The following HAUS7 variants were observed in gnomAD, a reference collection of about 807,000 sequenced individuals.
HAUS7 encodes the protein HAUS augmin-like complex subunit 7.
HAUS7 carries 3 observed loss-of-function variants against 28.4 expected under a neutral mutation model. The observed-to-expected ratio is 0.11, with a 90% confidence interval of 0.05 to 0.27. HAUS7 has a LOEUF of 0.27. Ranked by LOEUF, HAUS7 falls within the 10% of genes least tolerant of loss-of-function variation. The probability of loss-of-function intolerance (pLI) is 1.00; values close to 1 mark genes in which losing one functional copy is unlikely to be tolerated. For missense variants in HAUS7, 284 were observed against 297.3 expected (o/e 0.96, Z 0.33); for synonymous variants, 165 against 132.1 (o/e 1.25, Z -1.71).
At chrX:153,486,444 A>G (rs2124187210) in intron 1 of HAUS7, among the ~76,000 whole-genome samples, 1 of 112,347 alleles carries the variant, frequency 8.9e-6, no homozygotes, top group East Asian at 2.8e-4. Context: ...CTGAGCCTCG[A>G]GTTGGGAGGG....
Position 153,465,201 on chromosome X carries a change from G to A in HAUS7, c.225-146C>T, listed in dbSNP as rs111658608. 1.7e-3 allele frequency: 614 copies of A among 367,408 alleles called. 4 individuals are homozygous for A. Among genetic ancestry groups the A allele is most frequent in the African/African-American group, 0.013 (478 of 38,034 alleles). 30.3% of individuals were successfully genotyped at this position (367,408 alleles called of 1,213,427 possible). A position where few individuals can be genotyped will look rare whatever the true frequency, so the allele number is the denominator to read the frequency against. ...TTTAAAGTGGTTACTTCTGTGTCAC[G>A]TGGATTTCATTTCCATTAATTATTA... On this transcript the variant is annotated intron_variant, in intron 2 of 9. Transcript: ENST00000370211.
upstream of HAUS7, among the ~76,000 whole-genome samples, chrX:153,474,224 TG>T (rs1556985820): frequency 1.8e-5 from 2 of 112,187 alleles, no homozygotes; most frequent in South Asian, 7.4e-4. Context: ...GAGGCTGCCT[TG>T]GGACCTTGGC....
intron 1 of HAUS7, among the ~76,000 whole-genome samples, chrX:153,493,970 G>A (rs1221291080): frequency 1.8e-5 from 2 of 112,125 alleles, no homozygotes; most frequent in Non-Finnish European, 3.8e-5. Context: ...TTGGTCTTCC[G>A]CACTCTTGGC....
intron 9 of HAUS7, among the ~76,000 whole-genome samples, chrX:153,451,406 C>T (rs1442275578): frequency 8.9e-6 from 1 of 112,155 alleles, no homozygotes; most frequent in African/African-American, 3.2e-5. Flanking sequence ...TTAGGATAAA[C>T]GCTATAATAC....
intron 1 of HAUS7, among the ~76,000 whole-genome samples, chrX:153,492,831 G>A (rs965467043): frequency 9.0e-6 from 1 of 111,290 alleles, no homozygotes; most frequent in South Asian, 3.8e-4. Flanking sequence ...CGAGCCTCTG[G>A]CACTGTGCAT....
Position 153,470,553 on chromosome X carries a change from G to C in HAUS7, c.5C>G (p.Ala2Gly). The C allele has an allele frequency of 8.3e-7, 1 of 1,203,963 alleles. No individual in the cohort carries two copies. The highest frequency in any genetic ancestry group is 1.7e-5 in the African/African-American group (1 of 57,788). M[A>G]GQDAGCGRGG... is the part of the protein sequence containing the mutation. ...ACGGCCGCAGCCAGCGTCCTGCCCC[G>C]CCATGTTTCGCGCTCCGAGCCGCGC... Residue 2 changes from alanine (A) to glycine (G), a missense_variant, in exon 1 of 10, where the codon GCG becomes GGG. Ala to Gly is a moderately conservative substitution (Grantham distance 60). Transcript: ENST00000370211.
intron 1 of HAUS7, chrX:153,479,387 G>C: frequency 5.3e-6 from 4 of 754,415 alleles, no homozygotes; most frequent in Non-Finnish European, 6.3e-6. Context: ...GCCCCCGACG[G>C]TGAGTAGCTG....
upstream of HAUS7, among the ~76,000 whole-genome samples, chrX:153,472,881 G>A (rs1040495074): frequency 1.0e-4 from 11 of 109,531 alleles, no homozygotes; most frequent in Non-Finnish European, 1.7e-4. Context: ...GGATGTTGGG[G>A]GGAAGCTGTG....
chrX:153,489,680 GGCCT>G (rs1556989238), intron 1 of HAUS7, among the ~76,000 whole-genome samples: 3 of 112,392 alleles, frequency 2.7e-5, no homozygotes, highest in Non-Finnish European at 1.9e-5. Flanking sequence ...CCTGGGGCTG[GGCCT>G]GTGTCTCCGG....
chrX:153,463,774 G>T (rs782653546), intron 3 of HAUS7, among the ~76,000 whole-genome samples: 1 of 112,719 alleles, frequency 8.9e-6, no homozygotes, highest in African/African-American at 3.2e-5. Context: ...GGCCCTGTGC[G>T]CATGCTCTTC....
At chrX:153,488,939 G>A (rs1395148980) in intron 1 of HAUS7, among the ~76,000 whole-genome samples, 3 of 112,771 alleles carry the variant, frequency 2.7e-5, no homozygotes, top group African/African-American at 6.4e-5. Flanking sequence ...TCAGAGCCTC[G>A]GCGGGGGCTA....
chrX:153,455,999 C>T (rs1342677122), intron 7 of HAUS7, among the ~76,000 whole-genome samples: 2 of 112,670 alleles, frequency 1.8e-5, no homozygotes, highest in Non-Finnish European at 3.8e-5. Flanking sequence ...CAAACAGAGG[C>T]CAGGCCAAGG....
intron 1 of HAUS7, among the ~76,000 whole-genome samples, chrX:153,476,960 G>T (rs2089566304): frequency 8.9e-6 from 1 of 112,887 alleles, no homozygotes; most frequent in South Asian, 3.6e-4. Flanking sequence ...GGCTGGCTCT[G>T]CTCCATGGGG....
At chrX:153,486,566 A>G (rs1556988584) in intron 1 of HAUS7, 3 of 881,052 alleles carry the variant, frequency 3.4e-6, no homozygotes, top group Non-Finnish European at 4.5e-6. Context: ...CTCTTCTTGA[A>G]TGATGCCTAC....
At chrX:153,484,791 C>G (rs1401357612) in intron 1 of HAUS7, among the ~76,000 whole-genome samples, 2 of 113,331 alleles carry the variant, frequency 1.8e-5, no homozygotes, top group African/African-American at 6.4e-5. Context: ...CGCCACGAGG[C>G]CTGGGCAGGG....
At chrX:153,470,892 A>C, upstream of HAUS7, 1 of 346,354 alleles carries the variant, frequency 2.9e-6, no homozygotes, top group Non-Finnish European at 5.5e-6. Context: ...GGCGGGGCGA[A>C]CGGGCCAAGC....
At chrX:153,492,850 G>A (rs1556989913) in intron 1 of HAUS7, among the ~76,000 whole-genome samples, 1 of 111,287 alleles carries the variant, frequency 9.0e-6, no homozygotes, top group Non-Finnish European at 1.9e-5. Context: ...ATGGCCCTGC[G>A]CCCCCACGGT....
chrX:153,474,332 C>T (rs1220719406), upstream of HAUS7, among the ~76,000 whole-genome samples: 2 of 112,280 alleles, frequency 1.8e-5, no homozygotes, highest in South Asian at 3.7e-4. Flanking sequence ...CTGCCCCATC[C>T]TGCCCCCAGG....
chrX:153,472,489 G>T (rs1253841109), upstream of HAUS7, among the ~76,000 whole-genome samples: 1 of 93,076 alleles, frequency 1.1e-5, no homozygotes, highest in Non-Finnish European at 2.1e-5. Context: ...CACCTCCCAG[G>T]CATCTTCCTC....
Sources: gnomAD v4.1 joint callset for allele counts (sites outside exome capture counted in the v4.1 genomes callset) on GRCh38, gnomAD v4.1.1 for gene constraint, MANE v1.5 for transcripts, NCBI Gene and HGNC (gene_info 2026-07-23, HGNC 2026-07-21) for gene names.